The following GIPC2 variants were observed in gnomAD, a reference collection of about 807,000 sequenced individuals.
GIPC2 encodes the protein GIPC PDZ domain containing family member 2.
In GIPC2, 30 loss-of-function variants were observed where a neutral mutation model predicts 30.6. The observed-to-expected ratio is 0.98, with a 90% CI of 0.73 to 1.33. GIPC2 has a LOEUF of 1.33. GIPC2 is among the 40% of genes most tolerant of loss of function. GIPC2 has a pLI of 0.00. For missense variants in GIPC2, 414 were observed against 390.3 expected (o/e 1.06, Z -0.51); for synonymous variants, 167 against 150.0 (o/e 1.11, Z -0.83).
intron 2 of GIPC2, among the ~76,000 whole-genome samples, chr1:78,089,694 T>C (rs887918650): frequency 2.0e-5 from 3 of 152,222 alleles, no homozygotes; most frequent in Non-Finnish European, 4.4e-5. Context: ...ATGTTCATGA[T>C]TTTATTATCT....
chr1:78,128,741 GCCCTAACCCTAA>G (rs368764122), intron 5 of GIPC2, among the ~76,000 whole-genome samples: 3,686 of 151,954 alleles, frequency 0.024, 90 homozygotes, highest in African/African-American at 0.067. Context: ...TTGGCTTGAG[GCCCTAACCCTAA>G]CCCTAACCCT....
intron 4 of GIPC2, among the ~76,000 whole-genome samples, chr1:78,125,127 C>T (rs1013664573): frequency 1.3e-5 from 2 of 152,148 alleles, no homozygotes; most frequent in African/African-American, 2.4e-5. Flanking sequence ...TCATCCTGGG[C>T]TCAAGTGATC....
intron 3 of GIPC2, among the ~76,000 whole-genome samples, chr1:78,114,451 G>T (rs1269495487): frequency 6.6e-6 from 1 of 152,166 alleles, no homozygotes; most frequent in African/African-American, 2.4e-5. Context: ...CATCCTGCTT[G>T]TTTTTGTCTA....
intron 3 of GIPC2, among the ~76,000 whole-genome samples, chr1:78,116,540 G>C (rs991969577): frequency 6.7e-6 from 1 of 150,272 alleles, no homozygotes; most frequent in Admixed American, 6.6e-5. Context: ...GGTGTGTGAT[G>C]TTCCCCTTCC....
intron 3 of GIPC2, among the ~76,000 whole-genome samples, chr1:78,100,354 A>G (rs1662218925): frequency 6.6e-6 from 1 of 152,142 alleles, no homozygotes; most frequent in Admixed American, 6.5e-5. Flanking sequence ...AGGGCTCTTT[A>G]TTTTAATTTT....
At chr1:78,099,036 C>A (rs951612691) in intron 3 of GIPC2, among the ~76,000 whole-genome samples, 1 of 152,138 alleles carries the variant, frequency 6.6e-6, no homozygotes, top group Non-Finnish European at 1.5e-5. Context: ...AGTTCTTTGA[C>A]TATGGAAGTA....
rs775580298 is a variant in GIPC2 at position 78,046,204 on chromosome 1, C to A, written c.110C>A (p.Ala37Asp). 15 of 1,589,622 alleles carry A rather than the reference C, an allele frequency of 9.4e-6. No individual in the cohort carries two copies. The highest frequency in any genetic ancestry group is 7.9e-5 in the South Asian group (7 of 88,186). The change falls in exon 1 of 6, where the codon GCT (alanine) becomes GAT (aspartate). Residue 37 changes from alanine (A) to aspartate (D), a missense_variant. Transcript: ENST00000370759. ...AGGGSLSASR[A>D]PARRLVFHAQ... Reference sequence around the variant, plus strand: ...GGCGGGAGCCTCTCAGCGTCCCGGGCTCCCGCACGCAGGCTGGTCTTCCAC... The same window carrying A: ...GGCGGGAGCCTCTCAGCGTCCCGGGATCCCGCACGCAGGCTGGTCTTCCAC...
chr1:78,081,601 C>A (rs545126400), intron 2 of GIPC2, among the ~76,000 whole-genome samples: 1 of 152,220 alleles, frequency 6.6e-6, no homozygotes, highest in African/African-American at 2.4e-5. Flanking sequence ...CCAGGGCCAA[C>A]TGTAATTCCT....
chr1:78,102,262 G>T (rs1180046482), intron 3 of GIPC2, among the ~76,000 whole-genome samples: 1 of 152,180 alleles, frequency 6.6e-6, no homozygotes, highest in Non-Finnish European at 1.5e-5. Flanking sequence ...TATGTGAAGT[G>T]CATCTTAGTC....
intron 1 of GIPC2, among the ~76,000 whole-genome samples, chr1:78,070,708 T>C (rs1430501055): frequency 6.6e-6 from 1 of 152,220 alleles, no homozygotes; most frequent in African/African-American, 2.4e-5. Context: ...TATATTTCAT[T>C]AGTAAAGAAA....
At chr1:78,106,678 T>TTTTA (rs1478935789) in intron 3 of GIPC2, among the ~76,000 whole-genome samples, 4 of 152,162 alleles carry the variant, frequency 2.6e-5, no homozygotes, top group East Asian at 1.9e-4. Flanking sequence ...GGATTTTTAA[T>TTTTA]TTTATTTATT....
At chr1:78,078,855 A>AC (rs1363361797) in intron 1 of GIPC2, among the ~76,000 whole-genome samples, 1 of 151,198 alleles carries the variant, frequency 6.6e-6, no homozygotes, top group South Asian at 2.1e-4. Context: ...AAAAAAAAAA[A>AC]ACAACAAACC....
chr1:78,068,429 C>T (rs1236074844), intron 1 of GIPC2, among the ~76,000 whole-genome samples: 1 of 152,256 alleles, frequency 6.6e-6, no homozygotes, highest in African/African-American at 2.4e-5. Flanking sequence ...CTTTCCTCAA[C>T]ATCCAAATCA....
chr1:78,103,500 A>C (rs961067491), intron 3 of GIPC2, among the ~76,000 whole-genome samples: 5 of 152,208 alleles, frequency 3.3e-5, no homozygotes, highest in African/African-American at 1.2e-4. Flanking sequence ...TTATGGCCTG[A>C]CTTAATAATC....
At chr1:78,129,635 G>A (rs941051211) in intron 5 of GIPC2, among the ~76,000 whole-genome samples, 2 of 152,112 alleles carry the variant, frequency 1.3e-5, no homozygotes, top group African/African-American at 4.8e-5. Context: ...AGTTGTGAAC[G>A]ATGACTTTTC....
intron 5 of GIPC2, among the ~76,000 whole-genome samples, chr1:78,132,698 T>TAG (rs1553146046): frequency 6.7e-6 from 1 of 150,320 alleles, no homozygotes; most frequent in African/African-American, 2.4e-5. Context: ...TGTGTGTGTG[T>TAG]AGAGAGAGAA....
chr1:78,047,925 A>G (rs965545954), intron 1 of GIPC2, among the ~76,000 whole-genome samples: 12 of 152,256 alleles, frequency 7.9e-5, no homozygotes, highest in African/African-American at 2.9e-4. Flanking sequence ...TTCCTAAGCT[A>G]GTGAGCTTGT....
intron 1 of GIPC2, among the ~76,000 whole-genome samples, chr1:78,047,983 C>T (rs780403147): frequency 1.3e-5 from 2 of 152,140 alleles, no homozygotes; most frequent in African/African-American, 2.4e-5. Context: ...TAACCAGGGA[C>T]TTCAGTTTTA....
chr1:78,112,420 CT>C, intron 3 of GIPC2: 2 of 519,024 alleles, frequency 3.9e-6, no homozygotes, highest in Non-Finnish European at 7.7e-6. Context: ...CTCTGGGCAT[CT>C]TTGGGCTATT....
Sources: gnomAD v4.1 joint callset for allele counts (sites outside exome capture counted in the v4.1 genomes callset) on GRCh38, gnomAD v4.1.1 for gene constraint, MANE v1.5 for transcripts, NCBI Gene and HGNC (gene_info 2026-07-23, HGNC 2026-07-21) for gene names.